ATP2C1: variants seen among roughly 807,000 people sequenced by gnomAD.
The protein encoded by ATP2C1 is ATPase secretory pathway Ca2+ transporting 1, also known as calcium-transporting ATPase type 2C member 1.
Under a neutral mutation model 120.5 loss-of-function variants are expected in ATP2C1, and 31 were observed. The observed-to-expected ratio is 0.26, with a 90% CI of 0.19 to 0.35. ATP2C1 has a LOEUF of 0.35. Among genes scored for constraint, ATP2C1 ranks in the 10% least tolerant of loss-of-function variants. The probability of loss-of-function intolerance (pLI) is 1.00; values close to 1 mark genes in which losing one functional copy is unlikely to be tolerated. For missense variants in ATP2C1, 731 were observed against 1,107.5 expected (o/e 0.66, Z 4.83); for synonymous variants, 351 against 358.7 (o/e 0.98, Z 0.24).
At chr3:130,914,872 A>G (rs1371456594) in intron 2 of ATP2C1, among the ~76,000 whole-genome samples, 1 of 152,190 alleles carries the variant, frequency 6.6e-6, no homozygotes, top group Non-Finnish European at 1.5e-5. Context: ...AAGAAGCCCA[A>G]TTATTTGTGA....
intron 16 of ATP2C1, among the ~76,000 whole-genome samples, chr3:130,968,526 G>A (rs1262706186): frequency 6.6e-6 from 1 of 152,152 alleles, no homozygotes; most frequent in Non-Finnish European, 1.5e-5. Flanking sequence ...ATGAACTAAA[G>A]TAGAAGTAGA....
chr3:130,940,855 A>G (rs1171037791), intron 7 of ATP2C1, among the ~76,000 whole-genome samples, 164 bp downstream of exon 7: 1 of 150,596 alleles, frequency 6.6e-6, no homozygotes, highest in East Asian at 2.0e-4. Flanking sequence ...AAACTGTACC[A>G]TTGAAAACTT....
At chr3:130,877,478 G>A (rs1030832945) in intron 1 of ATP2C1, among the ~76,000 whole-genome samples, 4 of 152,182 alleles carry the variant, frequency 2.6e-5, no homozygotes, top group African/African-American at 9.7e-5. Flanking sequence ...AGTGGGCAAA[G>A]GATATGAACA....
In ATP2C1 at chr3:130,920,267, G is replaced by A. The variant is rs547524976; in HGVS notation, c.7-10149G>A. Among the ~76,000 whole-genome samples, 5 of 152,302 alleles carry A rather than the reference G, an allele frequency of 3.3e-5. No homozygotes were observed. In the South Asian group the frequency reaches 1.0e-3, roughly 32 times the overall value. On this transcript the variant is annotated intron_variant, in intron 2 of 27. Coordinates refer to ENST00000510168, the MANE Select transcript of ATP2C1 (RefSeq NM_001378687.1). The stretch of plus-strand genomic sequence containing the variant: ...ATCCTTGAGATAATCGCCGACACCA[G>A]TGTCATGAAGCTTTTCCTGTATGTT...
At position 130,980,687 on chromosome 3, in the gene ATP2C1, TAAACTA is replaced by T; in HGVS notation, c.1839+11_1839+16del. ...TCACAAATAGTACCAAAGGTAGGCC[TAAACTA>T]AAGCCTTTTGGACTGAAAGGCCTTA... On this transcript the variant is annotated intron_variant, in intron 20 of 27. Transcript: ENST00000510168. 6.2e-7 allele frequency: 1 copy of T among 1,603,090 alleles called. No homozygotes were observed. Among genetic ancestry groups the T allele is most frequent in the South Asian group, 1.1e-5 (1 of 90,882 alleles).
chr3:130,853,672 CTTCCTT>C (rs1174151630), intron 1 of ATP2C1, among the ~76,000 whole-genome samples: 2 of 152,166 alleles, frequency 1.3e-5, no homozygotes, highest in African/African-American at 4.8e-5. Context: ...AGAATGAAGT[CTTCCTT>C]TTCCAAGATA....
intron 2 of ATP2C1, among the ~76,000 whole-genome samples, chr3:130,923,968 T>G (rs2059086385): frequency 6.6e-6 from 1 of 152,054 alleles, no homozygotes; most frequent in African/African-American, 2.4e-5. Context: ...TCCTTCTGTG[T>G]TAGGTGAGTC....
Position 130,967,247 on chromosome 3 carries a change from AT to A in ATP2C1, c.1218+16del, listed in dbSNP as rs200231817. The A allele has an allele frequency of 2.6e-5, 41 of 1,606,320 alleles. No homozygotes were observed. The highest frequency in any genetic ancestry group is 4.0e-5 in the African/African-American group (3 of 74,512). ...TGTTAGCAGAATTGTTGAGGTAAAT[AT>A]TTTTTTTTCCAAGATGGTGACTTTC... On this transcript the variant is annotated splice_region_variant and intron_variant, in intron 15 of 27. Transcript: ENST00000510168.
chr3:131,016,190 G>A (rs2063625817), exon 27 of ATP2C1: 1 of 1,614,012 alleles, frequency 6.2e-7, no homozygotes, highest in African/African-American at 1.3e-5. Context: ...AGCTGGTTGA[G>A]ATACATCCCC....
chr3:130,940,905 ATT>A (rs749879416), intron 7 of ATP2C1, among the ~76,000 whole-genome samples: 3 of 86,108 alleles, frequency 3.5e-5, no homozygotes, highest in Non-Finnish European at 2.2e-5. Context: ...TATTTAACAG[ATT>A]TTTTTTTTTT....
At position 130,969,416 on chromosome 3, in the gene ATP2C1, A is replaced by C. The variant is rs766936957; in HGVS notation, c.1413+20A>C. The C allele has an allele frequency of 1.8e-5, 29 of 1,580,434 alleles. No individual in the cohort carries two copies. In the East Asian group the frequency reaches 2.2e-4, roughly 12 times the overall value. ...CAGCAGGTATCCATCTGTTTAAAGA[A>C]TACTTATTTCCTGTTTAGCTTAGAT... is the stretch of plus-strand genomic sequence containing the variant. On this transcript the variant is annotated intron_variant, in intron 17 of 27. Coordinates refer to ENST00000510168, the MANE Select transcript of ATP2C1 (RefSeq NM_001378687.1).
intron 26 of ATP2C1, among the ~76,000 whole-genome samples, chr3:131,009,319 A>G (rs186522289): frequency 2.0e-5 from 3 of 152,362 alleles, no homozygotes; most frequent in Admixed American, 2.0e-4. Flanking sequence ...ACAGATACCA[A>G]AAGGTGACTG....
At chr3:131,012,580 C>T (rs2063368034) in intron 26 of ATP2C1, among the ~76,000 whole-genome samples, 1 of 151,958 alleles carries the variant, frequency 6.6e-6, no homozygotes, top group African/African-American at 2.4e-5. Flanking sequence ...GTTTATAGTC[C>T]TCATTAGATA....
intron 18 of ATP2C1, 123 bp downstream of exon 18, chr3:130,975,611 A>C: frequency 8.6e-7 from 1 of 1,156,658 alleles, no homozygotes; most frequent in Non-Finnish European, 1.3e-6. Flanking sequence ...AACCCTTGCC[A>C]GTATTGAGGT....
intron 1 of ATP2C1, among the ~76,000 whole-genome samples, chr3:130,887,150 C>T (rs756445999): frequency 1.3e-5 from 2 of 152,184 alleles, no homozygotes; most frequent in Admixed American, 6.5e-5. Context: ...GGCAGAGACT[C>T]TTGTTCTTTA....
chr3:130,871,410 T>C (rs908574513), intron 1 of ATP2C1, among the ~76,000 whole-genome samples: 3 of 152,228 alleles, frequency 2.0e-5, no homozygotes, highest in African/African-American at 7.2e-5. Context: ...TAAAACAGAA[T>C]GCTGGGCCCC....
downstream of ATP2C1, among the ~76,000 whole-genome samples, chr3:131,003,444 C>T (rs934854025): frequency 6.6e-6 from 1 of 152,184 alleles, no homozygotes; most frequent in Non-Finnish European, 1.5e-5. Flanking sequence ...ATGTTTTTCC[C>T]TGTTAGACTA....
At chr3:130,979,673 A>G (rs2061670514) in intron 19 of ATP2C1, among the ~76,000 whole-genome samples, 1 of 33,060 alleles carries the variant, frequency 3.0e-5, no homozygotes, top group South Asian at 1.1e-3. Flanking sequence ...ATTATTTTTA[A>G]TCTCATGATC....
intron 2 of ATP2C1, among the ~76,000 whole-genome samples, chr3:130,925,652 T>C (rs182379222): frequency 1.8e-4 from 28 of 152,290 alleles, no homozygotes; most frequent in African/African-American, 6.5e-4. Context: ...TATTCAGGTT[T>C]CTCAGGCAGT....
Sources: gnomAD v4.1 joint callset for allele counts (sites outside exome capture counted in the v4.1 genomes callset) on GRCh38, gnomAD v4.1.1 for gene constraint, MANE v1.5 for transcripts, NCBI Gene and HGNC (gene_info 2026-07-23, HGNC 2026-07-21) for gene names.